The following XRRA1 variants were observed in gnomAD, a reference collection of about 807,000 sequenced individuals.
XRRA1 encodes X-ray radiation resistance-associated protein 1.
A neutral mutation model predicts 80.2 loss-of-function variants in XRRA1; 69 were observed. That is an observed-to-expected ratio of 0.86 (90% CI 0.71 to 1.05). The LOEUF (loss-of-function observed/expected upper bound fraction) is 1.05, where lower values mean the gene tolerates loss of function less well. XRRA1 is among the 50% of genes least tolerant of loss of function. XRRA1 has a pLI of 0.00. For missense variants in XRRA1, 967 were observed against 976.4 expected (o/e 0.99, Z 0.13); for synonymous variants, 348 against 389.9 (o/e 0.89, Z 1.27).
intron 2 of XRRA1, among the ~76,000 whole-genome samples, chr11:74,944,120 G>C (rs182605459): frequency 8.4e-4 from 128 of 152,292 alleles, no homozygotes; most frequent in African/African-American, 2.9e-3. Flanking sequence ...CTTTTGCTAA[G>C]CTGTGAAGTC....
chr11:74,849,642 A>G (rs1591542995), intron 14 of XRRA1, among the ~76,000 whole-genome samples: 1 of 152,134 alleles, frequency 6.6e-6, no homozygotes, highest in South Asian at 2.1e-4. Context: ...CTCTTTCTCT[A>G]TCCCACCGCT....
In XRRA1 at chr11:74,936,667, C is replaced by T. The variant is rs1026202774; in HGVS notation, c.279+217G>A. Among the ~76,000 whole-genome samples, 10 of 152,330 alleles carry T rather than the reference C, an allele frequency of 6.6e-5. 1 individual carries two copies. The highest frequency in any genetic ancestry group is 7.3e-5 in the Non-Finnish European group (5 of 68,030). Reference sequence around the variant, plus strand: ...CCCAATGGCAACAACACAAAAGGGACGACAATACCTATCTCACTAGGTAGA... The same window carrying T: ...CCCAATGGCAACAACACAAAAGGGATGACAATACCTATCTCACTAGGTAGA... On this transcript the variant is annotated intron_variant, in intron 4 of 18. Transcript: ENST00000684022.
chr11:74,881,562 T>C (rs1371052292), intron 10 of XRRA1, among the ~76,000 whole-genome samples: 1 of 151,872 alleles, frequency 6.6e-6, no homozygotes, highest in African/African-American at 2.4e-5. Flanking sequence ...CTAGTCTCGA[T>C]GGTCTTTACA....
chr11:74,906,149 A>T lies in XRRA1; in HGVS notation c.1003+90T>A, dbSNP rs1239597654. On this transcript the variant is annotated intron_variant, in intron 10 of 18. Coordinates refer to ENST00000684022, the MANE Select transcript of XRRA1 (RefSeq NM_001378157.1). Reference sequence around the variant, plus strand: ...TCAGCAAATTCAATTCGTGATATTCACCATGACCAAGTGAGACTTTCAGAA... The same window carrying T: ...TCAGCAAATTCAATTCGTGATATTCTCCATGACCAAGTGAGACTTTCAGAA... 3.2e-6 allele frequency: 4 copies of T among 1,258,398 alleles called. No individual in the cohort carries two copies. In the African/African-American group the frequency reaches 5.9e-5, roughly 19 times the overall value. The allele number at this position is 1,258,398 out of a possible 1,614,324, so 78.0% of individuals were successfully genotyped here.
chr11:74,863,339 C>T, intron 10 of XRRA1: 1 of 367,566 alleles, frequency 2.7e-6, no homozygotes, highest in Non-Finnish European at 5.0e-6. Context: ...GCCACACTGA[C>T]TGACCTTCAA....
intron 10 of XRRA1, among the ~76,000 whole-genome samples, chr11:74,894,748 C>T (rs2051795287): frequency 6.6e-6 from 1 of 152,110 alleles, no homozygotes; most frequent in South Asian, 2.1e-4. Flanking sequence ...ACAGCCAAAC[C>T]ATATCAACCC....
chr11:74,934,665 C>T (rs1020244093), intron 4 of XRRA1, among the ~76,000 whole-genome samples: 5 of 151,904 alleles, frequency 3.3e-5, no homozygotes, highest in African/African-American at 7.3e-5. Context: ...TGAAGTCTAC[C>T]AAGGCAGGAA....
chr11:74,878,413 T>G (rs2136514222), intron 10 of XRRA1, among the ~76,000 whole-genome samples: 1 of 151,982 alleles, frequency 6.6e-6, no homozygotes, highest in South Asian at 2.1e-4. Context: ...TTTTGTAGGT[T>G]GCCTGTTCAC....
At chr11:74,859,019 T>C in intron 12 of XRRA1, 139 bp downstream of exon 12, 2 of 1,218,200 alleles carry the variant, frequency 1.6e-6, no homozygotes, top group Non-Finnish European at 2.2e-6. Flanking sequence ...CCTTCCACTT[T>C]CCCCACCCTG....
At chr11:74,850,929 G>C in intron 14 of XRRA1, 159 bp downstream of exon 14, 1 of 490,242 alleles carries the variant, frequency 2.0e-6, no homozygotes, top group South Asian at 2.9e-5. Flanking sequence ...GTTTCATCCA[G>C]TGCTCTTCCC....
At chr11:74,910,367 C>T (rs1591327621) in intron 8 of XRRA1, among the ~76,000 whole-genome samples, 1 of 152,084 alleles carries the variant, frequency 6.6e-6, no homozygotes, top group Non-Finnish European at 1.5e-5. Flanking sequence ...CTGAGAACGC[C>T]GACTTGTATG....
intron 5 of XRRA1, among the ~76,000 whole-genome samples, chr11:74,932,289 G>T (rs941206518): frequency 2.0e-5 from 3 of 152,054 alleles, no homozygotes; most frequent in African/African-American, 7.2e-5. Context: ...CACTCATCCC[G>T]TGGGTCTCAG....
At chr11:74,898,991 T>C (rs1013689918) in intron 10 of XRRA1, among the ~76,000 whole-genome samples, 14 of 152,196 alleles carry the variant, frequency 9.2e-5, no homozygotes, top group African/African-American at 2.9e-4. Context: ...TTTTCAAGTA[T>C]AGACCATATG....
chr11:74,940,903 G>C (rs891566994), intron 2 of XRRA1, 21 bp from the exon 3 acceptor site: 3 of 1,576,794 alleles, frequency 1.9e-6, no homozygotes, highest in Non-Finnish European at 2.6e-6. Context: ...GGCAAGGAAA[G>C]CAAGGAAGCA....
intron 6 of XRRA1, among the ~76,000 whole-genome samples, chr11:74,929,496 G>A (rs998617929): frequency 1.3e-5 from 2 of 152,066 alleles, no homozygotes; most frequent in African/African-American, 4.8e-5. Context: ...GCAGCATTAA[G>A]TCCAATTCAC....
intron 10 of XRRA1, among the ~76,000 whole-genome samples, chr11:74,874,908 A>G (rs148195686): frequency 1.1e-4 from 17 of 152,330 alleles, no homozygotes; most frequent in African/African-American, 3.6e-4. Flanking sequence ...GGGATATGCA[A>G]TGTACACTCT....
At chr11:74,934,509 A>C (rs1944457761) in intron 4 of XRRA1, among the ~76,000 whole-genome samples, 1 of 152,232 alleles carries the variant, frequency 6.6e-6, no homozygotes, top group East Asian at 1.9e-4. Context: ...TGTGATAAAT[A>C]TTTTAAAGGA....
rs200857751 is a variant in XRRA1, at chr11:74,843,427, G to C, written c.2176C>G (p.Arg726Gly). ...LGAVLHQWTE[R>G]RLVNHKQYLE... ...TACTGCTTGTGGTTCACCAGCCGCC[G>C]TTCTGTCCACTGGTGCAGGACAGCA... Residue 726 changes from arginine (R) to glycine (G), a missense_variant, in exon 19 of 19, where the codon CGG becomes GGG. Physicochemically the swap from Arg to Gly is moderately radical, Grantham distance 125 (BLOSUM62 -2). Coordinates refer to ENST00000684022, the MANE Select transcript of XRRA1 (RefSeq NM_001378157.1). The C allele has an allele frequency of 2.5e-6, 4 of 1,612,532 alleles. No homozygotes were observed. The South Asian group carries it at 4.4e-5, about 18-fold the overall frequency.
chr11:74,885,570 G>GTAA (rs1217391763), intron 10 of XRRA1, among the ~76,000 whole-genome samples: 3 of 152,146 alleles, frequency 2.0e-5, no homozygotes, highest in African/African-American at 7.2e-5. Flanking sequence ...AACTGAATCA[G>GTAA]TAATAAAAAG....
Sources: allele counts gnomAD v4.1 joint callset (sites outside exome capture counted in the v4.1 genomes callset), GRCh38; gene constraint gnomAD v4.1.1; transcripts MANE v1.5; gene names NCBI Gene and HGNC (gene_info 2026-07-23, HGNC 2026-07-21).